The following TJP2 variants were observed in gnomAD, a reference collection of about 807,000 sequenced individuals.
TJP2 encodes the protein tight junction protein 2, also known as Friedreich ataxia region gene X104 (tight junction protein ZO-2).
A neutral mutation model predicts 133.1 loss-of-function variants in TJP2; 91 were observed. The ratio of observed to expected loss-of-function variants is 0.68; its 90% CI spans 0.58 to 0.81. TJP2 has a LOEUF of 0.81. Ranked by LOEUF, TJP2 falls within the 40% of genes least tolerant of loss-of-function variation. The pLI is 0.00. For missense variants in TJP2, 1,541 were observed against 1,565.6 expected (o/e 0.98, Z 0.26); for synonymous variants, 592 against 583.4 (o/e 1.01, Z -0.21).
At chr9:69,236,794 G>A (rs547741334) in intron 13 of TJP2, among the ~76,000 whole-genome samples, 155 bp from the exon 14 acceptor site, 12 of 152,296 alleles carry the variant, frequency 7.9e-5, no homozygotes, top group Admixed American at 3.3e-4. Flanking sequence ...ATTTGGAAGT[G>A]AAGGTCCCCA....
At chr9:69,151,562 T>A (rs1326365951) in intron 1 of TJP2, 1 of 1,220,242 alleles carries the variant, frequency 8.2e-7, no homozygotes, top group African/African-American at 1.6e-5. Context: ...GGGCAAATTG[T>A]ATGGTATGTG....
chr9:69,148,420 G>C (rs1016337617), intron 1 of TJP2, among the ~76,000 whole-genome samples: 2 of 149,726 alleles, frequency 1.3e-5, no homozygotes, highest in Non-Finnish European at 3.0e-5. Flanking sequence ...CGCCCAGGAG[G>C]CTGGAGTACA....
At position 69,221,370 on chromosome 9, in the gene TJP2, G is replaced by A. The variant is rs1400283290; in HGVS notation, c.826G>A (p.Asp276Asn). The change falls in exon 5 of 23, where the codon GAT (aspartate) becomes AAT (asparagine). Residue 276 changes from aspartate (D) to asparagine (N), a missense_variant. Asp to Asn is a conservative substitution (Grantham distance 23). Transcript: ENST00000377245. The stretch of plus-strand genomic sequence containing the variant: ...GGAGTACAGGCGCGGGGCCCGCCAC[G>A]ATGCCCGCTCTCGGGGACCCCGAAG... ...SPEYRRGARH[D>N]ARSRGPRSRS... The A allele has an allele frequency of 5.0e-6, 8 of 1,584,440 alleles. No homozygotes were observed. The highest frequency in any genetic ancestry group is 2.3e-5 in the South Asian group (2 of 87,702).
chr9:69,230,594 CTTAAGGCAG>C (rs894767251), intron 11 of TJP2, among the ~76,000 whole-genome samples: 6 of 152,314 alleles, frequency 3.9e-5, no homozygotes, highest in African/African-American at 1.4e-4. Flanking sequence ...TGCCATCTTT[CTTAAGGCAG>C]TGTCCTGAAA....
chr9:69,170,929 T>C (rs550734179), upstream of TJP2, among the ~76,000 whole-genome samples: 2 of 151,880 alleles, frequency 1.3e-5, no homozygotes, highest in African/African-American at 2.4e-5. Flanking sequence ...TTATGATACA[T>C]TGATGATACC....
intron 22 of TJP2, 88 bp from the exon 23 acceptor site, chr9:69,254,121 C>G: frequency 6.9e-7 from 1 of 1,449,666 alleles, no homozygotes; most frequent in Non-Finnish European, 9.7e-7. Flanking sequence ...TCGGGATACC[C>G]AGTCACTGTG....
At chr9:69,207,173 A>AT (rs1406714143) in intron 1 of TJP2, among the ~76,000 whole-genome samples, 15 of 152,182 alleles carry the variant, frequency 9.9e-5, no homozygotes, top group Non-Finnish European at 2.1e-4. Flanking sequence ...TTTGTTGGCA[A>AT]TTTTTTACTA....
chr9:69,254,690 A>C lies in TJP2; in HGVS notation c.*316A>C. ...TTGCGTACTTGTAATATGTATATTAAGAAGCAATAACTATTTTTCCTCATT... is the reference window on the plus strand; with the variant it reads ...TTGCGTACTTGTAATATGTATATTACGAAGCAATAACTATTTTTCCTCATT... On this transcript the variant is annotated 3_prime_UTR_variant, in exon 23 of 23. Transcript: ENST00000377245. The C allele has an allele frequency of 1.7e-6, 1 of 577,890 alleles. No homozygotes were observed. The highest frequency in any genetic ancestry group is 3.1e-6 in the Non-Finnish European group (1 of 325,234). 35.8% of individuals were successfully genotyped at this position (577,890 alleles called of 1,614,324 possible). A position where few individuals can be genotyped will look rare whatever the true frequency, so the allele number is the denominator to read the frequency against.
intron 2 of TJP2, among the ~76,000 whole-genome samples, chr9:69,160,425 AC>A (rs551958928): frequency 3.2e-4 from 48 of 152,316 alleles, no homozygotes; most frequent in African/African-American, 1.0e-3. Flanking sequence ...TGTACCTTCT[AC>A]AAACCTGATT....
intron 19 of TJP2, chr9:69,248,750 A>G (rs960164181): frequency 2.0e-6 from 2 of 996,174 alleles, no homozygotes; most frequent in African/African-American, 3.5e-5. Context: ...CTGTGCATCC[A>G]CTGTGATTAG....
At chr9:69,121,324 C>T (rs894873083), upstream of TJP2, 2 of 985,310 alleles carry the variant, frequency 2.0e-6, no homozygotes, top group African/African-American at 1.7e-5. Flanking sequence ...GTCTCCCTCC[C>T]GGGGCTCGCG....
chr9:69,224,250 C>G (rs763456296), intron 5 of TJP2, among the ~76,000 whole-genome samples: 1 of 152,222 alleles, frequency 6.6e-6, no homozygotes, highest in Non-Finnish European at 1.5e-5. Context: ...GAATTCCTTT[C>G]AATGCCAAGC....
intron 17 of TJP2, among the ~76,000 whole-genome samples, chr9:69,244,951 TATCTC>T (rs1308673053): frequency 3.3e-5 from 5 of 152,370 alleles, no homozygotes; most frequent in South Asian, 4.1e-4. Context: ...AGACCATACT[TATCTC>T]AGACAGCTGC....
intron 7 of TJP2, 26 bp downstream of exon 7, chr9:69,226,201 T>A: frequency 6.2e-7 from 1 of 1,612,958 alleles, no homozygotes; most frequent in Non-Finnish European, 8.5e-7. Context: ...GCTGTGAGCT[T>A]AGCTGGAAGT....
At chr9:69,145,924 A>C in intron 1 of TJP2, 1 of 550,842 alleles carries the variant, frequency 1.8e-6, no homozygotes, top group Non-Finnish European at 2.7e-6. Flanking sequence ...GGGGATAATA[A>C]ATGAGTTCTT....
At chr9:69,190,201 A>T (rs1252785164) in intron 1 of TJP2, among the ~76,000 whole-genome samples, 2 of 152,216 alleles carry the variant, frequency 1.3e-5, no homozygotes, top group Non-Finnish European at 2.9e-5. Flanking sequence ...GAGGGTACAT[A>T]AATAAATTGC....
intron 2 of TJP2, among the ~76,000 whole-genome samples, chr9:69,167,732 G>A (rs1248625484): frequency 6.6e-6 from 1 of 152,128 alleles, no homozygotes; most frequent in East Asian, 1.9e-4. Context: ...GCCGGGCATG[G>A]TGGCACATGC....
intron 2 of TJP2, among the ~76,000 whole-genome samples, chr9:69,155,358 G>A (rs889494792): frequency 1.3e-5 from 2 of 152,084 alleles, no homozygotes; most frequent in Non-Finnish European, 2.9e-5. Flanking sequence ...GGGGCTCCTC[G>A]GTTTACAGGA....
chr9:69,159,542 T>C (rs903941871), intron 2 of TJP2, among the ~76,000 whole-genome samples: 4 of 152,174 alleles, frequency 2.6e-5, no homozygotes, highest in Non-Finnish European at 4.4e-5. Context: ...ATTGTTAAAG[T>C]TACATTTGTC....
Sources: gnomAD v4.1 joint callset for allele counts (sites outside exome capture counted in the v4.1 genomes callset) on GRCh38, gnomAD v4.1.1 for gene constraint, MANE v1.5 for transcripts, NCBI Gene and HGNC (gene_info 2026-07-23, HGNC 2026-07-21) for gene names.